The following SLC38A6 variants were observed in gnomAD, a reference collection of about 807,000 sequenced individuals.
SLC38A6 encodes solute carrier family 38 member 6, also known as N system amino acid transporter NAT-1.
Under a neutral mutation model 65.0 loss-of-function variants are expected in SLC38A6, and 73 were observed. The observed-to-expected ratio is 1.12, with a 90% CI of 0.93 to 1.37. The LOEUF (loss-of-function observed/expected upper bound fraction) is 1.37. Ranked by LOEUF, SLC38A6 falls within the 40% of genes most tolerant of loss-of-function variation. The probability of loss-of-function intolerance (pLI) is 0.00; values close to 1 mark genes in which losing one functional copy is unlikely to be tolerated. For missense variants in SLC38A6, 561 were observed against 531.1 expected (o/e 1.06, Z -0.55); for synonymous variants, 183 against 178.8 (o/e 1.02, Z -0.19).
intron 15 of SLC38A6, among the ~76,000 whole-genome samples, chr14:61,073,069 A>G (rs1220535349): frequency 6.6e-6 from 1 of 152,138 alleles, no homozygotes; most frequent in African/African-American, 2.4e-5. Flanking sequence ...TATTTTTTAT[A>G]AAAGCCATTT....
intron 3 of SLC38A6, among the ~76,000 whole-genome samples, chr14:61,014,455 G>A (rs554063756): frequency 6.6e-6 from 1 of 152,278 alleles, no homozygotes; most frequent in South Asian, 2.1e-4. Context: ...AGGAACAGAG[G>A]TGCTCTGATT....
Position 61,033,498 on chromosome 14 carries a change from G to A in SLC38A6, c.482+2975G>A, listed in dbSNP as rs560634561. Among the ~76,000 whole-genome samples the A allele has an allele frequency of 4.6e-5, 7 of 152,116 alleles. 1 individual carries two copies. The East Asian group carries it at 7.7e-4, about 17-fold the overall frequency. ...AGGAAAACAGGAGTTCTGTTAGATC[G>A]TTCTTTATTCCCCCCTTAGGAAAAA... On this transcript the variant is annotated intron_variant, in intron 6 of 15. Coordinates refer to ENST00000267488, the MANE Select transcript of SLC38A6 (RefSeq NM_153811.3).
At chr14:60,981,634 T>A in intron 1 of SLC38A6, 1 of 1,452,036 alleles carries the variant, frequency 6.9e-7, no homozygotes, top group South Asian at 1.2e-5. Context: ...CAGCGTTGAG[T>A]GGAAGCTGCG....
intron 6 of SLC38A6, among the ~76,000 whole-genome samples, chr14:61,035,401 C>A (rs551595254): frequency 6.6e-6 from 1 of 152,034 alleles, no homozygotes; most frequent in Non-Finnish European, 1.5e-5. Context: ...CTTAAAGCCA[C>A]GTAACATTCC....
chr14:61,005,229 T>A (rs2039005568), intron 3 of SLC38A6, among the ~76,000 whole-genome samples: 1 of 151,740 alleles, frequency 6.6e-6, no homozygotes, highest in African/African-American at 2.4e-5. Context: ...AATATCATAC[T>A]GAATGGGCAA....
At chr14:61,071,205 T>G (rs557558738) in intron 15 of SLC38A6, among the ~76,000 whole-genome samples, 1 of 152,202 alleles carries the variant, frequency 6.6e-6, no homozygotes, top group Non-Finnish European at 1.5e-5. Context: ...TATTGAGGGA[T>G]TTTTTATTTT....
chr14:61,014,840 C>T (rs192663177), intron 3 of SLC38A6, among the ~76,000 whole-genome samples: 196 of 152,316 alleles, frequency 1.3e-3, no homozygotes, highest in African/African-American at 4.4e-3. Flanking sequence ...CAGGGACCCA[C>T]TTGAGGAGGC....
At chr14:61,016,985 T>G (rs1235577305) in intron 4 of SLC38A6, among the ~76,000 whole-genome samples, 1 of 152,186 alleles carries the variant, frequency 6.6e-6, no homozygotes, top group Non-Finnish European at 1.5e-5. Context: ...GAAATATATA[T>G]AGCTATACAA....
At chr14:60,993,525 G>T (rs1330923513) in intron 3 of SLC38A6, among the ~76,000 whole-genome samples, 1 of 152,180 alleles carries the variant, frequency 6.6e-6, no homozygotes, top group Non-Finnish European at 1.5e-5. Flanking sequence ...TCTACTAACT[G>T]AAGGAGAGTC....
At chr14:60,981,949 G>A (rs1463297392) in intron 1 of SLC38A6, among the ~76,000 whole-genome samples, 6 of 152,184 alleles carry the variant, frequency 3.9e-5, no homozygotes, top group African/African-American at 1.4e-4. Context: ...TCCCGGTGCT[G>A]TTTGTGGGGA....
At chr14:61,051,737 T>C in intron 13 of SLC38A6, 50 bp from the exon 14 acceptor site, 1 of 1,596,126 alleles carries the variant, frequency 6.3e-7, no homozygotes, top group African/African-American at 1.3e-5. Flanking sequence ...AGCAAATATC[T>C]GGACTTTGAC....
At chr14:61,069,440 C>G (rs2043147801) in intron 15 of SLC38A6, among the ~76,000 whole-genome samples, 1 of 152,028 alleles carries the variant, frequency 6.6e-6, no homozygotes. Context: ...TATTTGAGCC[C>G]TTTCTTACGT....
intron 12 of SLC38A6, among the ~76,000 whole-genome samples, chr14:61,050,072 G>A (rs1193506418): frequency 6.6e-6 from 1 of 152,134 alleles, no homozygotes. Flanking sequence ...GCACCAAAAA[G>A]AAGTAGGTGT....
At chr14:61,033,323 T>C (rs1169992636) in intron 6 of SLC38A6, among the ~76,000 whole-genome samples, 1 of 152,022 alleles carries the variant, frequency 6.6e-6, no homozygotes, top group African/African-American at 2.4e-5. Flanking sequence ...GCATTTGCAA[T>C]ACAGCTAAGG....
intron 15 of SLC38A6, among the ~76,000 whole-genome samples, chr14:61,064,379 G>C (rs575725997): frequency 6.6e-6 from 1 of 152,022 alleles, no homozygotes. Flanking sequence ...ATGCAAGGAT[G>C]CCCCCTGGGG....
intron 16 of SLC38A6, among the ~76,000 whole-genome samples, chr14:61,080,432 T>G (rs1245912523): frequency 6.6e-6 from 1 of 152,172 alleles, no homozygotes; most frequent in East Asian, 1.9e-4. Context: ...GAGCTGACTC[T>G]CTCCTTTGGA....
intron 2 of SLC38A6, among the ~76,000 whole-genome samples, 178 bp downstream of exon 2, chr14:60,982,816 C>CAAGA (rs1394260706): frequency 6.6e-6 from 1 of 152,114 alleles, no homozygotes. Flanking sequence ...TACTACATAG[C>CAAGA]TTCTTAAATA....
At chr14:61,021,430 G>T (rs2040339441) in intron 5 of SLC38A6, among the ~76,000 whole-genome samples, 1 of 152,196 alleles carries the variant, frequency 6.6e-6, no homozygotes, top group Non-Finnish European at 1.5e-5. Flanking sequence ...AGCTGTTTTG[G>T]GTTTTCTTAT....
At chr14:61,073,245 T>G (rs982506676) in intron 15 of SLC38A6, among the ~76,000 whole-genome samples, 2 of 152,216 alleles carry the variant, frequency 1.3e-5, no homozygotes, top group Admixed American at 6.5e-5. Flanking sequence ...TTTTTTCCAA[T>G]GGAGTTGTTT....
Sources: allele counts gnomAD v4.1 joint callset (sites outside exome capture counted in the v4.1 genomes callset), GRCh38; gene constraint gnomAD v4.1.1; transcripts MANE v1.5; gene names NCBI Gene and HGNC (gene_info 2026-07-23, HGNC 2026-07-21).